CCDC38: variants seen among roughly 807,000 people sequenced by gnomAD.
The protein encoded by CCDC38 is coiled-coil domain containing 38, also known as coiled-coil domain-containing protein 38.
In CCDC38, 69 loss-of-function variants were observed where a neutral mutation model predicts 72.8. The ratio of observed to expected loss-of-function variants is 0.95; its 90% confidence interval spans 0.78 to 1.16. The LOEUF (loss-of-function observed/expected upper bound fraction) is 1.16. Among genes scored for constraint, CCDC38 ranks in the 50% most tolerant of loss-of-function variants. The pLI is 0.00. For missense variants in CCDC38, 626 were observed against 638.9 expected, an observed-to-expected ratio of 0.98 and a Z score of 0.22; for synonymous variants, 201 against 213.2, an observed-to-expected ratio of 0.94 and a Z score of 0.50.
intron 1 of CCDC38, among the ~76,000 whole-genome samples, chr12:95,939,160 T>C (rs2080423714): frequency 6.6e-6 from 1 of 152,160 alleles, no homozygotes; most frequent in African/African-American, 2.4e-5. Flanking sequence ...CTCAGTTGCA[T>C]AGTATGTGCT....
intron 2 of CCDC38, among the ~76,000 whole-genome samples, chr12:95,928,358 C>T (rs189229268): frequency 0.013 from 2,042 of 152,326 alleles, 25 homozygotes; most frequent in South Asian, 0.018. Flanking sequence ...GCATTCTTCA[C>T]GTAGTTCTTG....
intron 10 of CCDC38, among the ~76,000 whole-genome samples, chr12:95,887,043 G>A (rs1386812951): frequency 6.6e-6 from 1 of 152,114 alleles, no homozygotes; most frequent in Non-Finnish European, 1.5e-5. Context: ...AAATTAGCTG[G>A]GCGTAGTGGC....
intron 2 of CCDC38, among the ~76,000 whole-genome samples, chr12:95,924,971 T>G (rs776354219): frequency 7.1e-6 from 1 of 140,698 alleles, no homozygotes; most frequent in Non-Finnish European, 1.6e-5. Context: ...AGTCAGGTAG[T>G]GTGATGCCTC....
At chr12:95,908,023 A>ACTTCCCAGACGGGGTGGCGGC (rs2080031444) in intron 4 of CCDC38, among the ~76,000 whole-genome samples, 1 of 152,084 alleles carries the variant, frequency 6.6e-6, no homozygotes, top group Non-Finnish European at 1.5e-5. Flanking sequence ...GACGCTCCTC[A>ACTTCCCAGACGGGGTGGCGGC]CTTCCCAGAC....
chr12:95,914,564 C>G (rs972139511), intron 4 of CCDC38, among the ~76,000 whole-genome samples: 1 of 152,116 alleles, frequency 6.6e-6, no homozygotes. Flanking sequence ...GAAACTCTAG[C>G]AGATAAAAAG....
In CCDC38 at chr12:95,894,997, A is replaced by G. The variant is rs1367377154; in HGVS notation, c.764T>C (p.Ile255Thr). 2.5e-6 allele frequency: 4 copies of G among 1,605,918 alleles called. No individual in the cohort carries two copies. The highest frequency in any genetic ancestry group is 3.4e-6 in the Non-Finnish European group (4 of 1,177,484). The change falls in exon 8 of 16, where the codon ATA becomes ACA. Residue 255 changes from isoleucine to threonine, a missense_variant. By Grantham distance (89) the Ile-to-Thr change is moderately conservative. Transcript: ENST00000344280. ...KSKANIILPK[I>T]LAKLSLHSSN... is the part of the protein sequence containing the mutation. ...GAGTATAAGTAACTTACTTGCTAAT[A>G]TTTTTGGAAGGATGATATTTGCTTT...
At position 95,878,253 on chromosome 12, in the gene CCDC38, C is replaced by T. The variant is rs766246201; in HGVS notation, c.1236G>A (p.Lys412=). The T allele has an allele frequency of 1.6e-5, 26 of 1,613,466 alleles. No individual in the cohort carries two copies. The Middle Eastern group carries it at 6.6e-4, about 41-fold the overall frequency. Residue 412 remains lysine (K), a synonymous_variant, in exon 13 of 16, where the codon AAG becomes AAA. Transcript: ENST00000344280. ...ATTCTCCAAAGCTAAAGAGCTTGGACTTTAATTGCAATTCTGCTGCTTTCT... is the reference window on the plus strand; with the variant it reads ...ATTCTCCAAAGCTAAAGAGCTTGGATTTTAATTGCAATTCTGCTGCTTTCT... ...EEEKAAELQL[K]SKLFSFGEFN... is the part of the protein sequence containing the mutation.
intron 1 of CCDC38, among the ~76,000 whole-genome samples, chr12:95,940,574 AT>A (rs555693053): frequency 1.3e-5 from 2 of 150,988 alleles, no homozygotes; most frequent in African/African-American, 2.4e-5. Context: ...ATGCCCTTCC[AT>A]TTTTTTTTCC....
intron 3 of CCDC38, among the ~76,000 whole-genome samples, chr12:95,918,451 C>T (rs904787841): frequency 2.0e-5 from 3 of 152,186 alleles, no homozygotes; most frequent in Non-Finnish European, 4.4e-5. Context: ...ATTTCTTTGG[C>T]ACGCCTCTGT....
Position 95,869,582 on chromosome 12 carries a change from A to T in CCDC38, c.1485-9T>A, listed in dbSNP as rs1435300494. ...TTTTCTCATCACGAAACCTGTCACAAGAAGGGAGAAACATTCTTGTAACTA... is the reference window on the plus strand; with the variant it reads ...TTTTCTCATCACGAAACCTGTCACATGAAGGGAGAAACATTCTTGTAACTA... On this transcript the variant is annotated splice_polypyrimidine_tract_variant and intron_variant, in intron 14 of 15. Coordinates refer to ENST00000344280, the MANE Select transcript of CCDC38 (RefSeq NM_182496.3). 6.3e-7 allele frequency: 1 copy of T among 1,598,166 alleles called. No individual in the cohort carries two copies. The highest frequency in any genetic ancestry group is 8.6e-7 in the Non-Finnish European group (1 of 1,166,960).
At chr12:95,904,589 C>T (rs1056232702) in intron 5 of CCDC38, among the ~76,000 whole-genome samples, 2 of 152,236 alleles carry the variant, frequency 1.3e-5, no homozygotes, top group African/African-American at 4.8e-5. Flanking sequence ...GTGTTATCCT[C>T]CCTGCATCTA....
chr12:95,909,067 T>C (rs1457540271), intron 4 of CCDC38, among the ~76,000 whole-genome samples: 1 of 151,664 alleles, frequency 6.6e-6, no homozygotes, highest in Non-Finnish European at 1.5e-5. Flanking sequence ...CTAAATGAAA[T>C]TGAGACAAAA....
At chr12:95,919,017 C>T (rs779192427) in intron 2 of CCDC38, 41 bp from the exon 3 acceptor site, 5 of 1,248,808 alleles carry the variant, frequency 4.0e-6, no homozygotes, top group Non-Finnish European at 5.9e-6. Context: ...TTCTGTCATC[C>T]TTCCTCTGCT....
chr12:95,870,993 T>C (rs1565940189), intron 14 of CCDC38, among the ~76,000 whole-genome samples: 1 of 152,230 alleles, frequency 6.6e-6, no homozygotes, highest in African/African-American at 2.4e-5. Context: ...TTATGTTGCC[T>C]AAGGTCACAA....
In CCDC38 at chr12:95,930,541, A is replaced by G. The variant is rs181053428; in HGVS notation, c.37+5932T>C. ...TTCCTTTCTGTTCTCTTATAAGGAC[A>G]CTAGTAATTGGATTTAGCCCTTGTC... On this transcript the variant is annotated intron_variant, in intron 2 of 15. Transcript: ENST00000344280. Among the ~76,000 whole-genome samples the G allele has an allele frequency of 3.9e-5, 6 of 152,246 alleles. No homozygotes were observed. The East Asian group carries it at 1.2e-3, about 29-fold the overall frequency.
chr12:95,878,494 C>T, intron 12 of CCDC38, 148 bp from the exon 13 acceptor site: 2 of 705,848 alleles, frequency 2.8e-6, no homozygotes, highest in Admixed American at 5.9e-5. Flanking sequence ...TGCCAAAGTA[C>T]ATGCAACTTT....
chr12:95,876,993 G>A (rs1281527828), intron 13 of CCDC38, among the ~76,000 whole-genome samples: 1 of 151,736 alleles, frequency 6.6e-6, no homozygotes, highest in African/African-American at 2.4e-5. Flanking sequence ...ACCTTTCCAG[G>A]GTCTTAAAGA....
chr12:95,921,064 G>A (rs2080201565), intron 2 of CCDC38, among the ~76,000 whole-genome samples: 1 of 151,584 alleles, frequency 6.6e-6, no homozygotes, highest in African/African-American at 2.4e-5. Context: ...GGAGGCAGAA[G>A]TTGCGGTGAG....
intron 1 of CCDC38, among the ~76,000 whole-genome samples, chr12:95,940,548 G>T (rs1305867962): frequency 6.6e-6 from 1 of 152,140 alleles, no homozygotes; most frequent in Non-Finnish European, 1.5e-5. Context: ...GATTTAGACT[G>T]GTTCTCTCAG....
Sources: allele counts gnomAD v4.1 joint callset (sites outside exome capture counted in the v4.1 genomes callset), GRCh38; gene constraint gnomAD v4.1.1; transcripts MANE v1.5; gene names NCBI Gene and HGNC (gene_info 2026-07-23, HGNC 2026-07-21).